The following SV2C variants were observed in gnomAD, a reference collection of about 807,000 sequenced individuals.
The protein encoded by SV2C is synaptic vesicle glycoprotein 2C, also known as solute carrier family 22 member B3.
Under a neutral mutation model 79.7 loss-of-function variants are expected in SV2C, and 49 were observed. The observed-to-expected ratio is 0.61, with a 90% CI of 0.49 to 0.78. The LOEUF is 0.78. SV2C is among the 30% of genes least tolerant of loss of function. The probability of loss-of-function intolerance (pLI) is 0.00; values close to 1 mark genes in which losing one functional copy is unlikely to be tolerated. For missense variants in SV2C, 833 were observed against 912.9 expected (o/e 0.91, Z 1.13); for synonymous variants, 334 against 333.2 (o/e 1.00, Z -0.03).
intron 2 of SV2C, among the ~76,000 whole-genome samples, chr5:76,150,175 C>T (rs935704054): frequency 2.0e-5 from 3 of 151,434 alleles, no homozygotes; most frequent in Non-Finnish European, 2.9e-5. Flanking sequence ...GCTTCTCAGT[C>T]CCTTTATCTG....
chr5:76,219,034 T>C (rs1017236898), intron 4 of SV2C, among the ~76,000 whole-genome samples: 1 of 152,198 alleles, frequency 6.6e-6, no homozygotes, highest in African/African-American at 2.4e-5. Context: ...TTGTAAGGCA[T>C]GCCAAAGTGT....
chr5:76,221,416 A>G, intron 4 of SV2C, among the ~76,000 whole-genome samples: 1 of 152,236 alleles, frequency 6.6e-6, no homozygotes, highest in South Asian at 2.1e-4. Flanking sequence ...TAATATTGTT[A>G]GATTTTCTTC....
At chr5:75,911,969 C>G in the SV2C span, 1 of 339,130 alleles carries the variant, frequency 2.9e-6, no homozygotes, top group South Asian at 2.7e-5. Flanking sequence ...AGCAACCATC[C>G]CTGGGTTCTC....
intron 4 of SV2C, among the ~76,000 whole-genome samples, chr5:76,231,431 T>G (rs1349946090): frequency 1.4e-5 from 2 of 144,638 alleles, no homozygotes; most frequent in African/African-American, 5.8e-5. Flanking sequence ...TGGCTGATTT[T>G]ATTTATTTAT....
intron 2 of SV2C, among the ~76,000 whole-genome samples, chr5:76,177,047 A>G (rs1043925636): frequency 5.9e-5 from 9 of 151,436 alleles, no homozygotes; most frequent in Admixed American, 1.3e-4. Flanking sequence ...CCCGGGAGGC[A>G]GAGCTTGCAG....
intron 4 of SV2C, among the ~76,000 whole-genome samples, chr5:76,222,717 T>A (rs906116870): frequency 6.6e-6 from 1 of 152,208 alleles, no homozygotes; most frequent in Non-Finnish European, 1.5e-5. Context: ...CTTCTGTGAA[T>A]CTATAATTAA....
chr5:75,957,652 C>A, the SV2C span, among the ~76,000 whole-genome samples: 1 of 152,188 alleles, frequency 6.6e-6, no homozygotes, highest in South Asian at 2.1e-4. Context: ...ATATCATTGA[C>A]ATCATGTTAA....
At chr5:76,238,379 T>C (rs1045638540) in intron 4 of SV2C, among the ~76,000 whole-genome samples, 1 of 152,140 alleles carries the variant, frequency 6.6e-6, no homozygotes, top group Non-Finnish European at 1.5e-5. Context: ...GGCTGTATCA[T>C]GTTCTCCTAC....
the SV2C span, among the ~76,000 whole-genome samples, chr5:75,992,924 AC>A: frequency 6.6e-6 from 1 of 152,002 alleles, no homozygotes; most frequent in Non-Finnish European, 1.5e-5. Context: ...AAAACCAAAA[AC>A]AAAACCTTAC....
At chr5:75,965,277 CAAT>C in the SV2C span, among the ~76,000 whole-genome samples, 1 of 152,132 alleles carries the variant, frequency 6.6e-6, no homozygotes, top group Non-Finnish European at 1.5e-5. Context: ...AACTCATTAA[CAAT>C]AGTTCTTGGT....
chr5:76,069,859 A>AAC, the SV2C span, among the ~76,000 whole-genome samples: 57 of 55,176 alleles, frequency 1.0e-3, no homozygotes, highest in South Asian at 2.8e-3. Context: ...CACACACACA[A>AAC]ACACACACAC....
upstream of SV2C, among the ~76,000 whole-genome samples, chr5:76,079,936 G>A (rs1348745521): frequency 6.6e-6 from 1 of 151,556 alleles, no homozygotes; most frequent in East Asian, 1.9e-4. Context: ...ATTTTGATGA[G>A]CTTAGGGTGT....
At chr5:75,869,167 A>G in the SV2C span, among the ~76,000 whole-genome samples, 1 of 151,892 alleles carries the variant, frequency 6.6e-6, no homozygotes, top group East Asian at 2.0e-4. Context: ...CTTGCACTTT[A>G]GGTACCCACC....
At chr5:75,954,239 G>A in the SV2C span, among the ~76,000 whole-genome samples, 1 of 151,894 alleles carries the variant, frequency 6.6e-6, no homozygotes. Context: ...CTATGGAGTT[G>A]CACTCTTATT....
Position 76,297,218 on chromosome 5 carries a change from C to A in SV2C, c.1502+1276C>A, listed in dbSNP as rs114383472. Among the ~76,000 whole-genome samples the A allele has an allele frequency of 6.6e-3, 1,001 of 152,026 alleles. 14 individuals are homozygous for A. The highest frequency in any genetic ancestry group is 0.023 in the African/African-American group (947 of 41,496). Reference sequence around the variant, plus strand: ...TTGTCCTTCAGGAAAATTTGAAATACCATTAACGAAATTTTTTAAAAAATA... The same window carrying A: ...TTGTCCTTCAGGAAAATTTGAAATAACATTAACGAAATTTTTTAAAAAATA... On this transcript the variant is annotated intron_variant, in intron 9 of 12. Transcript: ENST00000502798.
chr5:75,999,672 A>G, the SV2C span, among the ~76,000 whole-genome samples: 1 of 147,504 alleles, frequency 6.8e-6, no homozygotes, highest in African/African-American at 2.5e-5. Flanking sequence ...TTTTCTACCC[A>G]GGCCTGTCTT....
the SV2C span, among the ~76,000 whole-genome samples, chr5:75,870,993 C>A: frequency 1.3e-5 from 2 of 151,956 alleles, no homozygotes; most frequent in African/African-American, 4.8e-5. Context: ...TTTAGAAATC[C>A]GAGTAAAATA....
At chr5:76,009,686 A>C in the SV2C span, among the ~76,000 whole-genome samples, 1 of 152,240 alleles carries the variant, frequency 6.6e-6, no homozygotes, top group Admixed American at 6.5e-5. Flanking sequence ...GTTCTCCCTT[A>C]TAAGTGGGAA....
intron 4 of SV2C, among the ~76,000 whole-genome samples, chr5:76,210,215 C>T (rs955742529): frequency 6.6e-6 from 1 of 152,202 alleles, no homozygotes; most frequent in African/African-American, 2.4e-5. Flanking sequence ...TACAATTTAA[C>T]TCAATTCTGA....
Sources: gnomAD v4.1 joint callset for allele counts (sites outside exome capture counted in the v4.1 genomes callset) on GRCh38, gnomAD v4.1.1 for gene constraint, MANE v1.5 for transcripts, NCBI Gene and HGNC (gene_info 2026-07-23, HGNC 2026-07-21) for gene names.